The following RBMS3 variants were observed in gnomAD, a reference collection of about 807,000 sequenced individuals.
The protein encoded by RBMS3 is RNA-binding motif, single-stranded-interacting protein 3.
RBMS3 carries 27 observed loss-of-function variants against 66.8 expected under a neutral mutation model. The observed-to-expected ratio is 0.40, with a 90% CI of 0.30 to 0.56. The LOEUF is 0.56. Ranked by LOEUF, RBMS3 falls within the 20% of genes least tolerant of loss-of-function variation. The probability of loss-of-function intolerance (pLI) is 0.40; values close to 1 mark genes in which losing one functional copy is unlikely to be tolerated. For missense variants in RBMS3, 513 were observed against 549.5 expected, an observed-to-expected ratio of 0.93 and a Z score of 0.66; for synonymous variants, 188 against 183.0, an observed-to-expected ratio of 1.03 and a Z score of -0.22.
intron 2 of RBMS3, among the ~76,000 whole-genome samples, chr3:29,436,014 G>A (rs2041391409): frequency 6.7e-6 from 1 of 149,650 alleles, no homozygotes; most frequent in Admixed American, 6.7e-5. Flanking sequence ...TGTATTTTTT[G>A]GTTAGTATCT....
At chr3:29,825,812 C>CTAAG (rs2058197553) in intron 6 of RBMS3, among the ~76,000 whole-genome samples, 1 of 152,112 alleles carries the variant, frequency 6.6e-6, no homozygotes, top group South Asian at 2.1e-4. Context: ...AGACCTAGGT[C>CTAAG]ATTTACTTAG....
At chr3:29,549,119 T>C (rs903357392) in intron 3 of RBMS3, among the ~76,000 whole-genome samples, 22 of 146,968 alleles carry the variant, frequency 1.5e-4, no homozygotes, top group Non-Finnish European at 2.1e-4. Flanking sequence ...TCTATACTTA[T>C]ATCTTCCTTA....
chr3:29,881,353 T>G (rs1283046874), intron 7 of RBMS3, among the ~76,000 whole-genome samples: 4 of 152,150 alleles, frequency 2.6e-5, no homozygotes, highest in Non-Finnish European at 5.9e-5. Flanking sequence ...TTTATGTATG[T>G]GTCTTGTCTC....
chr3:29,619,306 G>T (rs983810672), intron 4 of RBMS3, among the ~76,000 whole-genome samples: 46 of 150,468 alleles, frequency 3.1e-4, no homozygotes, highest in African/African-American at 1.1e-3. Flanking sequence ...AACAGTTTTA[G>T]TTTAAAAAAA....
intron 12 of RBMS3, among the ~76,000 whole-genome samples, chr3:29,950,052 TC>T (rs1222515780): frequency 6.6e-6 from 1 of 151,786 alleles, no homozygotes; most frequent in African/African-American, 2.4e-5. Context: ...CTATTCTATT[TC>T]CCCCTGGGTA....
At chr3:29,635,811 A>G (rs773405968) in intron 4 of RBMS3, among the ~76,000 whole-genome samples, 1 of 151,812 alleles carries the variant, frequency 6.6e-6, no homozygotes, top group Admixed American at 6.6e-5. Context: ...ATCCTAATTA[A>G]CTGTACTTCT....
At chr3:29,762,715 G>A (rs190536270) in intron 5 of RBMS3, among the ~76,000 whole-genome samples, 195 bp from the exon 6 acceptor site, 4 of 152,158 alleles carry the variant, frequency 2.6e-5, no homozygotes, top group African/African-American at 7.2e-5. Context: ...TTCAAAGAGT[G>A]AATAATACTT....
intron 2 of RBMS3, among the ~76,000 whole-genome samples, chr3:29,480,944 A>G (rs1216370123): frequency 6.6e-6 from 1 of 152,122 alleles, no homozygotes; most frequent in Non-Finnish European, 1.5e-5. Flanking sequence ...GAGACAGGAG[A>G]ATGGCAGGTG....
chr3:29,736,770 C>T (rs2054396891), intron 4 of RBMS3, among the ~76,000 whole-genome samples: 1 of 152,136 alleles, frequency 6.6e-6, no homozygotes, highest in African/African-American at 2.4e-5. Context: ...TCTGATTCTT[C>T]CCAGTAAAAA....
chr3:29,532,041 A>G (rs2045369302), intron 3 of RBMS3, among the ~76,000 whole-genome samples: 1 of 151,884 alleles, frequency 6.6e-6, no homozygotes, highest in African/African-American at 2.4e-5. Flanking sequence ...GAGTTAGCAT[A>G]GTGCCTGATA....
chr3:29,668,121 A>G (rs2050840470), intron 4 of RBMS3, among the ~76,000 whole-genome samples: 1 of 152,246 alleles, frequency 6.6e-6, no homozygotes, highest in African/African-American at 2.4e-5. Flanking sequence ...ACAGAAAAAC[A>G]CAAAACACTC....
chr3:29,947,693 C>T (rs949838939), intron 12 of RBMS3, among the ~76,000 whole-genome samples: 5 of 151,268 alleles, frequency 3.3e-5, no homozygotes, highest in African/African-American at 1.2e-4. Flanking sequence ...TTTAAAAATC[C>T]TCCTCTCTTA....
chr3:29,484,998 C>A (rs2043268947), intron 2 of RBMS3, among the ~76,000 whole-genome samples: 1 of 152,086 alleles, frequency 6.6e-6, no homozygotes, highest in African/African-American at 2.4e-5. Context: ...GGTGATTCAG[C>A]AAAAGGGTTT....
At chr3:29,400,949 A>T (rs1046124506) in intron 1 of RBMS3, among the ~76,000 whole-genome samples, 5 of 152,110 alleles carry the variant, frequency 3.3e-5, no homozygotes, top group Non-Finnish European at 7.4e-5. Flanking sequence ...TGAGGTAAAA[A>T]TGTAATTCAT....
chr3:29,356,440 C>T (rs116150493), intron 1 of RBMS3, among the ~76,000 whole-genome samples: 1 of 152,126 alleles, frequency 6.6e-6, no homozygotes, highest in Non-Finnish European at 1.5e-5. Flanking sequence ...GGCCAAAGAA[C>T]CCTGTGAATA....
At chr3:29,569,982 T>TGTGTTGCC (rs2046891257) in intron 3 of RBMS3, among the ~76,000 whole-genome samples, 2 of 42,466 alleles carry the variant, frequency 4.7e-5, no homozygotes, top group Admixed American at 5.0e-4. Flanking sequence ...AAGCAGTTGC[T>TGTGTTGCC]TAGGGAAAAA....
intron 3 of RBMS3, among the ~76,000 whole-genome samples, chr3:29,565,482 C>G (rs1198156245): frequency 6.6e-6 from 1 of 152,094 alleles, no homozygotes; most frequent in Non-Finnish European, 1.5e-5. Flanking sequence ...TTTTTTGTCT[C>G]TTCAAGATGA....
intron 6 of RBMS3, among the ~76,000 whole-genome samples, chr3:29,830,663 T>G (rs2058348545): frequency 6.6e-6 from 1 of 152,168 alleles, no homozygotes; most frequent in Non-Finnish European, 1.5e-5. Context: ...ACTCTTTCAT[T>G]TTTATTTCTG....
rs1576978521 is a variant in RBMS3, at chr3:29,845,644, C to G, written c.638-23214C>G. Among the ~76,000 whole-genome samples, 11 of 152,142 alleles carry G rather than the reference C, an allele frequency of 7.2e-5. No individual in the cohort carries two copies. The South Asian group carries it at 2.3e-3, about 32-fold the overall frequency. Reference sequence around the variant, plus strand: ...GGTGTCTACTGTTTTCTAGAGGTAACAGATAAACAATGGACAAAATACATG... The same window carrying G: ...GGTGTCTACTGTTTTCTAGAGGTAAGAGATAAACAATGGACAAAATACATG... On this transcript the variant is annotated intron_variant, in intron 6 of 14. Transcript: ENST00000383767.
Sources: allele counts gnomAD v4.1 joint callset (sites outside exome capture counted in the v4.1 genomes callset), GRCh38; gene constraint gnomAD v4.1.1; transcripts MANE v1.5; gene names NCBI Gene and HGNC (gene_info 2026-07-23, HGNC 2026-07-21).